KCNH3: variants seen among roughly 807,000 people sequenced by gnomAD.
KCNH3 encodes voltage-gated inwardly rectifying potassium channel KCNH3.
In KCNH3, 36 loss-of-function variants were observed where a neutral mutation model predicts 95.6. The ratio of observed to expected loss-of-function variants is 0.38; its 90% CI spans 0.29 to 0.50. The LOEUF (loss-of-function observed/expected upper bound fraction) is 0.50. Ranked by LOEUF, KCNH3 falls within the 20% of genes least tolerant of loss-of-function variation. The pLI, the probability that KCNH3 is intolerant of heterozygous loss-of-function variation, is 0.95. For missense variants in KCNH3, 1,030 were observed against 1,484.1 expected, an observed-to-expected ratio of 0.69 and a Z score of 5.03; for synonymous variants, 620 against 646.3, an observed-to-expected ratio of 0.96 and a Z score of 0.62.
intron 11 of KCNH3, 50 bp downstream of exon 11, chr12:49,554,604 T>C: frequency 6.7e-7 from 1 of 1,503,174 alleles, no homozygotes; most frequent in Non-Finnish European, 9.2e-7. Context: ...CCAGGGAGCC[T>C]GGTGAAGTGG....
rs555263030 is a variant in KCNH3, at chr12:49,555,500, G to A, written c.2137-120G>A. On this transcript the variant is annotated intron_variant, in intron 11 of 14. Transcript: ENST00000257981. ...TATAGGACCTTCAGTTAGAATAGAT[G>A]TTGGCTATTCTAACAAAGATGGCTC... 330 of 534,716 alleles carry A rather than the reference G, an allele frequency of 6.2e-4. 1 individual carries two copies. The highest frequency in any genetic ancestry group is 6.0e-3 in the African/African-American group (306 of 51,362). 33.1% of individuals were successfully genotyped at this position (534,716 alleles called of 1,614,324 possible). A position where few individuals can be genotyped will look rare whatever the true frequency, so the allele number is the denominator to read the frequency against.
intron 13 of KCNH3, 67 bp downstream of exon 13, chr12:49,556,543 G>A (rs1253323968): frequency 1.8e-5 from 20 of 1,110,176 alleles, no homozygotes; most frequent in East Asian, 1.2e-4. Flanking sequence ...CTCAAGCACT[G>A]TTGACCTCTG....
chr12:49,550,382 C>G, intron 10 of KCNH3, 53 bp downstream of exon 10: 1 of 1,539,294 alleles, frequency 6.5e-7, no homozygotes, highest in East Asian at 2.3e-5. Flanking sequence ...GAGACCATGG[C>G]CCTGATCTGT....
intron 2 of KCNH3, among the ~76,000 whole-genome samples, 177 bp downstream of exon 2, chr12:49,541,309 C>T (rs1046599619): frequency 6.6e-6 from 1 of 152,234 alleles, no homozygotes; most frequent in Non-Finnish European, 1.5e-5. Flanking sequence ...GCCCCGGCTC[C>T]CCATCTCTAC....
rs148457057 is a variant in KCNH3, at chr12:49,544,288, C to G, written c.1095C>G (p.Ala365=). The change falls in exon 7 of 15, where the codon GCC becomes GCG. Residue 365 remains alanine (A), a synonymous_variant. Coordinates refer to ENST00000257981, the MANE Select transcript of KCNH3 (RefSeq NM_012284.3). ...YSAVVLTLLM[A]VFALLAHWVA... ...CCGTGGTGCTGACACTGCTCATGGCCGTGTTCGCCCTGCTCGCGCACTGGG... is the reference window on the plus strand; with the variant it reads ...CCGTGGTGCTGACACTGCTCATGGCGGTGTTCGCCCTGCTCGCGCACTGGG... The G allele has an allele frequency of 7.8e-4, 1,264 of 1,611,794 alleles. 3 individuals are homozygous for G. Among genetic ancestry groups the G allele is most frequent in the Non-Finnish European group, 9.6e-4 (1,133 of 1,179,694 alleles).
At chr12:49,545,461 A>C (rs568159103) in intron 7 of KCNH3, among the ~76,000 whole-genome samples, 26 of 130,254 alleles carry the variant, frequency 2.0e-4, no homozygotes, top group African/African-American at 5.7e-4. Context: ...GGCGTGATCT[A>C]GGCTCACTGC....
At chr12:49,556,043 A>T in intron 12 of KCNH3, 92 bp downstream of exon 12, 1 of 666,048 alleles carries the variant, frequency 1.5e-6, no homozygotes, top group Non-Finnish European at 2.6e-6. Flanking sequence ...CCATCTAACC[A>T]TCTTAACTCC....
chr12:49,549,229 C>G, intron 8 of KCNH3, 56 bp downstream of exon 8: 1 of 1,526,434 alleles, frequency 6.6e-7, no homozygotes, highest in Non-Finnish European at 8.8e-7. Context: ...TGCCCGCAGG[C>G]GGCGCCGTCC....
intron 2 of KCNH3, 105 bp from the exon 3 acceptor site, chr12:49,541,525 T>G: frequency 7.3e-7 from 1 of 1,371,992 alleles, no homozygotes; most frequent in Non-Finnish European, 1.0e-6. Flanking sequence ...AGGAAACCGC[T>G]AGATCCTGCC....
Position 49,557,588 on chromosome 12 carries a change from C to T in KCNH3, c.2887C>T (p.His963Tyr), listed in dbSNP as rs374344309. 1.4e-5 allele frequency: 23 copies of T among 1,612,938 alleles called. 1 individual carries two copies. Among genetic ancestry groups the T allele is most frequent in the African/African-American group, 2.7e-5 (2 of 74,942 alleles). ...AGSVLSGTWP[H>Y]PRPGPPPLMA... ...CTCTGTCTTGAGTGGGACTTGGCCC[C>T]ACCCTCGTCCGGGGCCTCCTCCCCT... Residue 963 changes from histidine (H) to tyrosine (Y), a missense_variant, in exon 15 of 15, where the codon CAC becomes TAC. By Grantham distance (83) the His-to-Tyr change is moderately conservative. Transcript: ENST00000257981.
intron 5 of KCNH3, 90 bp from the exon 6 acceptor site, chr12:49,543,825 G>C: frequency 6.7e-7 from 1 of 1,499,882 alleles, no homozygotes; most frequent in Non-Finnish European, 9.1e-7. Flanking sequence ...GCCGGGGACA[G>C]TGTCAACTAC....
intron 11 of KCNH3, among the ~76,000 whole-genome samples, chr12:49,555,256 C>T (rs1458347503): frequency 4.1e-5 from 6 of 144,880 alleles, no homozygotes; most frequent in East Asian, 4.0e-4. Context: ...CTCGCTAACA[C>T]GGTGAAACGC....
At chr12:49,540,868 C>T in intron 1 of KCNH3, 31 bp from the exon 2 acceptor site, 2 of 1,584,214 alleles carry the variant, frequency 1.3e-6, no homozygotes, top group Non-Finnish European at 1.7e-6. Flanking sequence ...CCCTTCACCC[C>T]ACGCCTCCTC....
rs1164640830 is a variant in KCNH3 at position 49,557,748 on chromosome 12, C to A, written c.3047C>A (p.Ala1016Asp). ...GDLCSEPSTP[A>D]SPPPSEEGAR... The stretch of plus-strand genomic sequence containing the variant: ...CTCTGCTCTGAGCCCAGCACCCCTG[C>A]CTCCCCTCCTCCTTCTGAGGAAGGG... Residue 1016 changes from alanine (A) to aspartate (D), a missense_variant, in exon 15 of 15, where the codon GCC becomes GAC. Transcript: ENST00000257981. The A allele has an allele frequency of 8.1e-6, 13 of 1,613,132 alleles. 1 individual carries two copies. Among genetic ancestry groups the A allele is most frequent in the Non-Finnish European group, 1.1e-5 (13 of 1,179,668 alleles).
intron 7 of KCNH3, 109 bp from the exon 8 acceptor site, chr12:49,548,786 G>A (rs1938154512): frequency 5.9e-6 from 7 of 1,178,448 alleles, no homozygotes; most frequent in Non-Finnish European, 7.0e-6. Flanking sequence ...GGGGCAAAGC[G>A]GCGGGAAGCC....
Position 49,548,976 on chromosome 12 carries a change from G to T in KCNH3, c.1271G>T (p.Gly424Val). ...AGGCCAGCTGGAGGGAACAGCTCCG[G>T]CCAGAGTGACAACTGCAGCAGCAGC... Reference protein sequence around the residue: ...GRRPAGGNSSGQSDNCSSSSE... With the variant: ...GRRPAGGNSSVQSDNCSSSSE... The change falls in exon 8 of 15, where the codon GGC becomes GTC. Residue 424 changes from glycine (G) to valine (V), a missense_variant. Physicochemically the swap from Gly to Val is moderately radical, Grantham distance 109. Transcript: ENST00000257981. 6.2e-7 allele frequency: 1 copy of T among 1,610,416 alleles called. No individual in the cohort carries two copies. The highest frequency in any genetic ancestry group is 8.5e-7 in the Non-Finnish European group (1 of 1,178,984).
In KCNH3 at chr12:49,557,446, G is replaced by A. The variant is rs1938510526; in HGVS notation, c.2745G>A (p.Glu915=). ...AVQLVLAPHR[E]GPCPRASGEG... ...AGCTTGTCCTGGCGCCCCACAGGGA[G>A]GGTCCGTGCCCTCGGGCATCGGGAG... The change falls in exon 15 of 15, where the codon GAG becomes GAA. Residue 915 remains glutamate (E), a synonymous_variant. Coordinates refer to ENST00000257981, the MANE Select transcript of KCNH3 (RefSeq NM_012284.3). 1.2e-6 allele frequency: 2 copies of A among 1,609,866 alleles called. No individual in the cohort carries two copies. The highest frequency in any genetic ancestry group is 1.1e-5 in the South Asian group (1 of 90,724).
intron 7 of KCNH3, chr12:49,546,196 G>A (rs1938056232): frequency 6.6e-6 from 1 of 152,184 alleles, no homozygotes; most frequent in African/African-American, 2.4e-5. Context: ...GAGCTCCACA[G>A]GATGGGCAAG....
In KCNH3 at chr12:49,549,472, G is replaced by A; in HGVS notation, c.1500G>A (p.Val500=). The A allele has an allele frequency of 6.2e-7, 1 of 1,613,510 alleles. No homozygotes were observed. Among genetic ancestry groups the A allele is most frequent in the South Asian group, 1.1e-5 (1 of 91,088 alleles). ...TGCACGCGGTGGTGTTTGGGAACGT[G>A]ACGGCCATCATCCAGCGCATGTACG... The part of the protein sequence containing the change: ...ALMHAVVFGN[V]TAIIQRMYAR... Residue 500 remains valine (V), a synonymous_variant, in exon 9 of 15, where the codon GTG becomes GTA. Coordinates refer to ENST00000257981, the MANE Select transcript of KCNH3 (RefSeq NM_012284.3).
Sources: gnomAD v4.1 joint callset for allele counts (sites outside exome capture counted in the v4.1 genomes callset) on GRCh38, gnomAD v4.1.1 for gene constraint, MANE v1.5 for transcripts, NCBI Gene and HGNC (gene_info 2026-07-23, HGNC 2026-07-21) for gene names.